Variants in CD2AP observed in about 807,000 individuals in gnomAD.
The protein encoded by CD2AP is CD2-associated protein.
In CD2AP, 46 loss-of-function variants were observed where a neutral mutation model predicts 85.1. That is an observed-to-expected ratio of 0.54 (90% CI 0.43 to 0.69). The LOEUF (loss-of-function observed/expected upper bound fraction) is 0.69. Ranked by LOEUF, CD2AP falls within the 30% of genes least tolerant of loss-of-function variation. The pLI, the probability that CD2AP is intolerant of heterozygous loss-of-function variation, is 0.00. For missense variants in CD2AP, 769 were observed against 729.5 expected, an observed-to-expected ratio of 1.05 and a Z score of -0.62; for synonymous variants, 255 against 252.9, an observed-to-expected ratio of 1.01 and a Z score of -0.08.
intron 1 of CD2AP, among the ~76,000 whole-genome samples, chr6:47,501,714 A>G (rs899754080): frequency 3.9e-5 from 6 of 151,958 alleles, no homozygotes; most frequent in Non-Finnish European, 8.8e-5. Flanking sequence ...TGTAGGAGGA[A>G]GAAAAGATGA....
chr6:47,516,427 G>C (rs1766455151), intron 2 of CD2AP, among the ~76,000 whole-genome samples: 1 of 152,214 alleles, frequency 6.6e-6, no homozygotes, highest in African/African-American at 2.4e-5. Context: ...ATGTGGTCAT[G>C]TGTACTATCA....
chr6:47,579,562 T>G, intron 9 of CD2AP, 73 bp downstream of exon 9: 1 of 924,004 alleles, frequency 1.1e-6, no homozygotes, highest in Non-Finnish European at 1.8e-6. Flanking sequence ...AAACAAGTTT[T>G]TTTGCATTAT....
intron 13 of CD2AP, among the ~76,000 whole-genome samples, chr6:47,599,695 GACCCATCTATT>G (rs1163415958): frequency 6.6e-6 from 1 of 151,944 alleles, no homozygotes; most frequent in South Asian, 2.1e-4. Context: ...GTTAAAAGAT[GACCCATCTATT>G]ACTCCCTCTT....
At chr6:47,489,988 T>G (rs1184470701) in intron 1 of CD2AP, among the ~76,000 whole-genome samples, 3 of 144,768 alleles carry the variant, frequency 2.1e-5, no homozygotes, top group African/African-American at 7.5e-5. Flanking sequence ...TTTTTTTTTT[T>G]TTAAAGGAAC....
intron 11 of CD2AP, among the ~76,000 whole-genome samples, chr6:47,584,565 C>T (rs141804989): frequency 2.6e-3 from 392 of 152,202 alleles, no homozygotes; most frequent in African/African-American, 8.4e-3. Flanking sequence ...TTGATATCAT[C>T]TTCCACCCTT....
rs368107857 is a variant in CD2AP, at chr6:47,574,262, T to G, written c.729+11T>G. 1 of 1,610,856 alleles carries G rather than the reference T, an allele frequency of 6.2e-7. No individual in the cohort carries two copies. The highest frequency in any genetic ancestry group is 8.5e-7 in the Non-Finnish European group (1 of 1,177,316). Reference sequence around the variant, plus strand: ...AAAAAACCAGAAAAGGTGGTAATGATGGACTTGTTAGATTAACTCCACTCA... The same window carrying G: ...AAAAAACCAGAAAAGGTGGTAATGAGGGACTTGTTAGATTAACTCCACTCA... On this transcript the variant is annotated intron_variant, in intron 6 of 17. Transcript: ENST00000359314.
At position 47,558,734 on chromosome 6, in the gene CD2AP, T is replaced by C. The variant is rs142063376; in HGVS notation, c.541+3968T>C. Among the ~76,000 whole-genome samples, 21 of 152,358 alleles carry C rather than the reference T, an allele frequency of 1.4e-4. No homozygotes were observed. In the East Asian group the frequency reaches 3.7e-3, roughly 27 times the overall value. ...CTGGATTTGGTTTGCCAGTATTTTA[T>C]TGAGGATTTTCGCATTGATGTTCAT... On this transcript the variant is annotated intron_variant, in intron 5 of 17. Transcript: ENST00000359314.
chr6:47,479,305 T>A (rs4715019), intron 1 of CD2AP, among the ~76,000 whole-genome samples: 34,477 of 152,088 alleles, frequency 0.23, 4,075 homozygotes, highest in Non-Finnish European at 0.27. Flanking sequence ...TTCATGTAAT[T>A]AACAAATGAT....
At chr6:47,600,242 G>C (rs1043765773) in intron 13 of CD2AP, among the ~76,000 whole-genome samples, 1 of 151,634 alleles carries the variant, frequency 6.6e-6, no homozygotes, top group South Asian at 2.1e-4. Context: ...CATTAAATAA[G>C]CACTATCACA....
chr6:47,570,449 A>G (rs926898113), intron 5 of CD2AP, among the ~76,000 whole-genome samples: 2 of 152,202 alleles, frequency 1.3e-5, no homozygotes, highest in African/African-American at 4.8e-5. Context: ...TAGAAGTACC[A>G]TATAGATAAG....
chr6:47,552,132 T>G (rs1767544324), intron 4 of CD2AP, among the ~76,000 whole-genome samples: 1 of 151,666 alleles, frequency 6.6e-6, no homozygotes, highest in African/African-American at 2.4e-5. Context: ...TTGCAGTCTG[T>G]TTTTTTTAAA....
At chr6:47,523,774 A>G (rs1766654695) in intron 2 of CD2AP, among the ~76,000 whole-genome samples, 1 of 152,160 alleles carries the variant, frequency 6.6e-6, no homozygotes, top group Non-Finnish European at 1.5e-5. Flanking sequence ...CGCATAGCAT[A>G]TGTGTCTTTT....
chr6:47,555,077 C>A (rs556460802), intron 5 of CD2AP, among the ~76,000 whole-genome samples: 4 of 152,058 alleles, frequency 2.6e-5, no homozygotes, highest in African/African-American at 9.7e-5. Flanking sequence ...CATTTTTGGT[C>A]TGCTGAGTTT....
intron 17 of CD2AP, among the ~76,000 whole-genome samples, chr6:47,619,592 G>T (rs1480088132): frequency 6.6e-6 from 1 of 152,156 alleles, no homozygotes; most frequent in Admixed American, 6.5e-5. Flanking sequence ...CCAGTAGTGG[G>T]ATTGCTGGAT....
In CD2AP at chr6:47,562,834, C is replaced by T; in HGVS notation, c.541+8068C>T. 3 of 1,080,060 alleles carry T rather than the reference C, an allele frequency of 2.8e-6. No homozygotes were observed. The South Asian group carries it at 3.7e-5, about 13-fold the overall frequency. 66.9% of individuals were successfully genotyped at this position (1,080,060 alleles called of 1,614,324 possible). On this transcript the variant is annotated intron_variant, in intron 5 of 17. Transcript: ENST00000359314. The stretch of plus-strand genomic sequence containing the variant: ...GTTGGTGGAGGCCCTTGGTGCTGAA[C>T]ACCAAATCAACCTAATGAAGGTTGA...
At chr6:47,497,777 T>G (rs965942357) in intron 1 of CD2AP, among the ~76,000 whole-genome samples, 2 of 152,188 alleles carry the variant, frequency 1.3e-5, no homozygotes, top group African/African-American at 4.8e-5. Flanking sequence ...TCATCTTTAG[T>G]TTTTTGTCCT....
intron 4 of CD2AP, among the ~76,000 whole-genome samples, chr6:47,547,758 T>G (rs755733034): frequency 5.3e-5 from 8 of 152,128 alleles, no homozygotes; most frequent in Non-Finnish European, 1.2e-4. Flanking sequence ...TTCTCCAAGA[T>G]AGACCATATG....
At position 47,577,063 on chromosome 6, in the gene CD2AP, T is replaced by G. The variant is rs752029188; in HGVS notation, c.863T>G (p.Leu288Arg). Residue 288 changes from leucine (L) to arginine (R), a missense_variant, in exon 8 of 18, where the codon CTT becomes CGT. Coordinates refer to ENST00000359314, the MANE Select transcript of CD2AP (RefSeq NM_012120.3). ...FAYEGTNEDE[L>R]TFKEGEIIHL... The stretch of plus-strand genomic sequence containing the variant: ...TATGAAGGTACTAATGAAGATGAAC[T>G]TACTTTTAAAGAGGGGGAGATAATC... 15 of 1,543,128 alleles carry G rather than the reference T, an allele frequency of 9.7e-6. No individual in the cohort carries two copies. In the South Asian group the frequency reaches 1.3e-4, roughly 14 times the overall value.
chr6:47,584,049 T>A (rs2114111365), intron 11 of CD2AP, among the ~76,000 whole-genome samples: 1 of 152,350 alleles, frequency 6.6e-6, no homozygotes, highest in Non-Finnish European at 1.5e-5. Context: ...TAATTGTCAT[T>A]TGTATATCTT....
Sources: allele counts gnomAD v4.1 joint callset (sites outside exome capture counted in the v4.1 genomes callset), GRCh38; gene constraint gnomAD v4.1.1; transcripts MANE v1.5; gene names NCBI Gene and HGNC (gene_info 2026-07-23, HGNC 2026-07-21).